The following SEC14L1 variants were observed in gnomAD, a reference collection of about 807,000 sequenced individuals.
SEC14L1 encodes SEC14 like lipid binding 1, also known as SEC14-like protein 1.
A neutral mutation model predicts 85.3 loss-of-function variants in SEC14L1; 48 were observed. That is an observed-to-expected ratio of 0.56 (90% CI 0.45 to 0.72). The LOEUF (loss-of-function observed/expected upper bound fraction) is 0.72, where lower values mean the gene tolerates loss of function less well. Among genes scored for constraint, SEC14L1 ranks in the 30% least tolerant of loss-of-function variants. SEC14L1 has a pLI of 0.00. For missense variants in SEC14L1, 682 were observed against 921.4 expected, an observed-to-expected ratio of 0.74 and a Z score of 3.36; for synonymous variants, 391 against 355.5, an observed-to-expected ratio of 1.10 and a Z score of -1.12.
At chr17:77,189,414 G>GGTA in intron 3 of SEC14L1, among the ~76,000 whole-genome samples, 1 of 152,228 alleles carries the variant, frequency 6.6e-6, no homozygotes, top group East Asian at 1.9e-4. Flanking sequence ...TTGGCTTGGT[G>GGTA]GTATGGAGGT....
chr17:77,202,946 AAAAAAAC>A (rs1164368501), intron 9 of SEC14L1, among the ~76,000 whole-genome samples: 2 of 151,750 alleles, frequency 1.3e-5, no homozygotes, highest in Non-Finnish European at 2.9e-5. Flanking sequence ...TAAAAAAAAA[AAAAAAAC>A]AGAGTAGAGC....
rs200195840 is a variant in SEC14L1, at chr17:77,212,032, A to G, written c.1694A>G (p.Tyr565Cys). 21 of 1,614,004 alleles carry G rather than the reference A, an allele frequency of 1.3e-5. No homozygotes were observed. The highest frequency in any genetic ancestry group is 4.4e-5 in the South Asian group (4 of 91,084). Residue 565 changes from tyrosine (Y) to cysteine (C), a missense_variant, in exon 15 of 17, where the codon TAT (tyrosine) becomes TGT (cysteine). Coordinates refer to ENST00000436233, the MANE Select transcript of SEC14L1 (RefSeq NM_001143998.2). ...AAAGGGGACATTGTGTTTAACATCT[A>G]TCACTCCAAGAGGTCGCCACAACCA... ...VCKGDIVFNI[Y>C]HSKRSPQPPK...
chr17:77,109,183 G>A (rs1971993545), intron 3 of SEC14L1, among the ~76,000 whole-genome samples: 2 of 152,044 alleles, frequency 1.3e-5, no homozygotes, highest in South Asian at 4.1e-4. Flanking sequence ...AAGCATATTG[G>A]TCATTTCAAA....
chr17:77,206,628 C>A lies in SEC14L1; in HGVS notation c.1342-100C>A, dbSNP rs879132656. On this transcript the variant is annotated intron_variant, in intron 12 of 16. Transcript: ENST00000436233. The surrounding 1 kb of genome is among the most constrained non-coding windows in gnomAD (Gnocchi z 4.3). ...AGAAGAAGTATATAAACTTGAATGT[C>A]TTCCCCCCACCCTCCCACTCAGAAT... is the stretch of plus-strand genomic sequence containing the variant. 1 of 1,409,580 alleles carries A rather than the reference C, an allele frequency of 7.1e-7. No homozygotes were observed. The highest frequency in any genetic ancestry group is 9.7e-7 in the Non-Finnish European group (1 of 1,030,458). The allele number at this position is 1,409,580 out of a possible 1,614,324, so 87.3% of individuals were successfully genotyped here. A position where few individuals can be genotyped will look rare whatever the true frequency, so the allele number is the denominator to read the frequency against.
At chr17:77,195,413 G>T (rs1021067548) in intron 7 of SEC14L1, among the ~76,000 whole-genome samples, 4 of 152,078 alleles carry the variant, frequency 2.6e-5, no homozygotes, top group Non-Finnish European at 5.9e-5. Flanking sequence ...CCGTCTCCCG[G>T]GTTCAAGTGA....
chr17:77,187,368 A>G (rs1373931924), intron 3 of SEC14L1, among the ~76,000 whole-genome samples: 1 of 149,404 alleles, frequency 6.7e-6, no homozygotes, highest in Non-Finnish European at 1.5e-5. Flanking sequence ...TTACTACCCT[A>G]TGCCCCCCCC....
chr17:77,143,431 A>T, intron 2 of SEC14L1, 136 bp from the exon 3 acceptor site: 1 of 554,434 alleles, frequency 1.8e-6, no homozygotes, highest in Non-Finnish European at 3.2e-6. Flanking sequence ...TCATCTTTTC[A>T]TTTTTGTGTG....
chr17:77,109,687 G>A (rs1972006473), intron 3 of SEC14L1, among the ~76,000 whole-genome samples: 1 of 152,098 alleles, frequency 6.6e-6, no homozygotes, highest in Admixed American at 6.6e-5. Flanking sequence ...CTGTTCAAAG[G>A]TATATTTTCT....
At chr17:77,204,479 C>G (rs12936767) in intron 10 of SEC14L1, among the ~76,000 whole-genome samples, 2 of 149,470 alleles carry the variant, frequency 1.3e-5, no homozygotes, top group African/African-American at 4.9e-5. Context: ...CTTGGCCTCC[C>G]GAAGTGCTGG....
intron 3 of SEC14L1, among the ~76,000 whole-genome samples, chr17:77,168,225 C>T (rs536884837): frequency 2.6e-5 from 4 of 152,266 alleles, no homozygotes; most frequent in South Asian, 2.1e-4. Context: ...AGAGCAAGAA[C>T]GTTACACAGT....
At chr17:77,184,185 T>C (rs985424204) in intron 3 of SEC14L1, among the ~76,000 whole-genome samples, 1 of 152,352 alleles carries the variant, frequency 6.6e-6, no homozygotes, top group East Asian at 1.9e-4. Context: ...CGCCAGGCTC[T>C]GTGGCTGTCC....
At chr17:77,174,109 T>C (rs1192096700) in intron 3 of SEC14L1, among the ~76,000 whole-genome samples, 1 of 152,084 alleles carries the variant, frequency 6.6e-6, no homozygotes, top group Non-Finnish European at 1.5e-5. Context: ...TTGGTAGAGA[T>C]GGGGTTGCAC....
intron 10 of SEC14L1, among the ~76,000 whole-genome samples, chr17:77,204,202 G>A (rs1033965957): frequency 1.3e-5 from 2 of 151,208 alleles, no homozygotes; most frequent in African/African-American, 4.8e-5. Context: ...CCTGAAATAC[G>A]CATTTTTGGC....
intron 13 of SEC14L1, among the ~76,000 whole-genome samples, chr17:77,208,788 A>C (rs1976594842): frequency 6.6e-6 from 1 of 152,224 alleles, no homozygotes; most frequent in African/African-American, 2.4e-5. Context: ...TCATTGTGTC[A>C]AGGTCAATTA....
chr17:77,143,806 G>A (rs1365373287), intron 3 of SEC14L1, 147 bp downstream of exon 3: 7 of 497,320 alleles, frequency 1.4e-5, no homozygotes, highest in Non-Finnish European at 2.1e-5. Context: ...TATCTAGAGT[G>A]TGTAAAATGT....
chr17:77,159,090 A>AG (rs1463877438), intron 3 of SEC14L1, among the ~76,000 whole-genome samples: 8 of 150,822 alleles, frequency 5.3e-5, no homozygotes, highest in African/African-American at 1.9e-4. Context: ...TTTCTGAAAT[A>AG]AACTTTCACT....
chr17:77,134,647 C>T (rs1423325268), intron 3 of SEC14L1, among the ~76,000 whole-genome samples: 1 of 152,220 alleles, frequency 6.6e-6, no homozygotes, highest in Non-Finnish European at 1.5e-5. Context: ...AGGAGAATCG[C>T]TTGAACCCAG....
chr17:77,198,290 A>T (rs1975916181), intron 8 of SEC14L1, among the ~76,000 whole-genome samples: 1 of 152,238 alleles, frequency 6.6e-6, no homozygotes, highest in African/African-American at 2.4e-5. Context: ...TTTCCTCAGT[A>T]TTTAAATAGA....
intron 3 of SEC14L1, among the ~76,000 whole-genome samples, chr17:77,111,215 G>T (rs909792944): frequency 4.0e-5 from 6 of 151,064 alleles, no homozygotes; most frequent in Non-Finnish European, 8.8e-5. Context: ...AAAAATACAT[G>T]TGTGTGGTCC....
Sources: allele counts gnomAD v4.1 joint callset (sites outside exome capture counted in the v4.1 genomes callset), GRCh38; gene constraint gnomAD v4.1.1; non-coding constraint Gnocchi (gnomAD v3.1); transcripts MANE v1.5; gene names NCBI Gene and HGNC (gene_info 2026-07-23, HGNC 2026-07-21).